Variants in ZNF407 observed in about 807,000 individuals in gnomAD.
The protein encoded by ZNF407 is zinc finger protein 407.
ZNF407 carries 17 observed loss-of-function variants against 131.2 expected under a neutral mutation model. The ratio of observed to expected loss-of-function variants is 0.13; its 90% CI spans 0.09 to 0.19. The LOEUF is 0.19. Among genes scored for constraint, ZNF407 ranks in the 10% least tolerant of loss-of-function variants. The probability of loss-of-function intolerance (pLI) is 1.00; values close to 1 mark genes in which losing one functional copy is unlikely to be tolerated. For missense variants in ZNF407, 2,681 were observed against 2,830.6 expected, an observed-to-expected ratio of 0.95 and a Z score of 1.20; for synonymous variants, 1,156 against 1,062.0, an observed-to-expected ratio of 1.09 and a Z score of -1.72.
chr18:74,631,412 C>A lies in ZNF407; in HGVS notation c.393C>A (p.Leu131=). The part of the protein sequence containing the change: ...TVGGTCLPNA[L]SPSCNFSTID... ...GAGGCACATGTCTCCCAAATGCCCT[C>A]TCCCCTTCTTGCAATTTTAGCACTA... Residue 131 remains leucine (L), a synonymous_variant, in exon 2 of 9, where the codon CTC becomes CTA. Transcript: ENST00000299687. 1.2e-6 allele frequency: 2 copies of A among 1,613,988 alleles called. No individual in the cohort carries two copies. Among genetic ancestry groups the A allele is most frequent in the Non-Finnish European group, 1.7e-6 (2 of 1,179,880 alleles).
At chr18:74,910,022 C>G (rs1230834645) in intron 7 of ZNF407, among the ~76,000 whole-genome samples, 2 of 152,130 alleles carry the variant, frequency 1.3e-5, no homozygotes, top group African/African-American at 4.8e-5. Flanking sequence ...TCATGACTTA[C>G]TCTTGGAGAA....
intron 3 of ZNF407, among the ~76,000 whole-genome samples, chr18:74,649,418 C>T (rs570291883): frequency 7.2e-5 from 11 of 152,266 alleles, no homozygotes; most frequent in African/African-American, 2.4e-4. Flanking sequence ...TGGTAATTAT[C>T]ATTATAATAT....
intron 8 of ZNF407, among the ~76,000 whole-genome samples, chr18:74,978,504 C>A (rs1002481755): frequency 4.6e-5 from 7 of 152,000 alleles, no homozygotes; most frequent in African/African-American, 1.5e-4. Context: ...TGATTGTGAA[C>A]ATTTTTAGAG....
intron 3 of ZNF407, among the ~76,000 whole-genome samples, chr18:74,651,728 G>A (rs559401500): frequency 6.6e-6 from 1 of 152,294 alleles, no homozygotes; most frequent in African/African-American, 2.4e-5. Flanking sequence ...TCAGAATTAT[G>A]AATTGTCTTG....
intron 4 of ZNF407, among the ~76,000 whole-genome samples, chr18:74,818,214 C>G (rs1449543225): frequency 6.6e-6 from 1 of 152,172 alleles, no homozygotes; most frequent in African/African-American, 2.4e-5. Flanking sequence ...GGAGTCATAA[C>G]TGGAGAAGCA....
At chr18:74,961,716 T>TA (rs11356218) in intron 8 of ZNF407, among the ~76,000 whole-genome samples, 5,295 of 140,492 alleles carry the variant, frequency 0.038, 321 homozygotes, top group African/African-American at 0.13. Flanking sequence ...CTGTCTCAAT[T>TA]AAAAAAAAAA....
intron 3 of ZNF407, among the ~76,000 whole-genome samples, chr18:74,692,537 T>C (rs1481190782): frequency 6.6e-6 from 1 of 152,032 alleles, no homozygotes; most frequent in Non-Finnish European, 1.5e-5. Flanking sequence ...CTGAGCCTCG[T>C]GGATGGGGCC....
intron 8 of ZNF407, among the ~76,000 whole-genome samples, chr18:74,947,088 C>T (rs577440830): frequency 1.2e-4 from 18 of 152,140 alleles, no homozygotes; most frequent in South Asian, 2.1e-4. Context: ...AACAGATGAC[C>T]GCCTCCTGTT....
At chr18:74,599,425 T>G (rs772648365) in intron 1 of ZNF407, among the ~76,000 whole-genome samples, 4 of 152,248 alleles carry the variant, frequency 2.6e-5, no homozygotes, top group Non-Finnish European at 4.4e-5. Flanking sequence ...TCAAAAACAC[T>G]GGTTCTTGCT....
At chr18:74,916,761 C>G (rs1290277120) in intron 7 of ZNF407, among the ~76,000 whole-genome samples, 1 of 120,150 alleles carries the variant, frequency 8.3e-6, no homozygotes, top group Non-Finnish European at 1.6e-5. Context: ...AGATTGTATG[C>G]AGCATTGGTT....
chr18:74,927,745 A>G (rs1364609736), intron 8 of ZNF407, among the ~76,000 whole-genome samples: 2 of 152,244 alleles, frequency 1.3e-5, no homozygotes, highest in African/African-American at 4.8e-5. Context: ...GTAGCAAAGT[A>G]GAAGGAAAAG....
At chr18:74,913,056 C>T (rs1201609828) in intron 7 of ZNF407, among the ~76,000 whole-genome samples, 1 of 152,164 alleles carries the variant, frequency 6.6e-6, no homozygotes, top group African/African-American at 2.4e-5. Context: ...AATTTGGTAG[C>T]CCCCTACCTT....
At chr18:75,014,541 T>G (rs923088710) in intron 8 of ZNF407, among the ~76,000 whole-genome samples, 1 of 152,138 alleles carries the variant, frequency 6.6e-6, no homozygotes, top group African/African-American at 2.4e-5. Flanking sequence ...AAATCAGGGC[T>G]TTTCCTGTCA....
chr18:74,676,644 C>T (rs533659331), intron 3 of ZNF407, among the ~76,000 whole-genome samples: 82 of 151,944 alleles, frequency 5.4e-4, no homozygotes, highest in Non-Finnish European at 7.8e-4. Context: ...CCGTGTTAGC[C>T]AGGATGGTCT....
At chr18:74,729,609 G>C (rs1219461011) in intron 3 of ZNF407, among the ~76,000 whole-genome samples, 1 of 152,092 alleles carries the variant, frequency 6.6e-6, no homozygotes, top group Non-Finnish European at 1.5e-5. Flanking sequence ...GCTGTGTTCT[G>C]TAGGGTAGAA....
In ZNF407 at chr18:75,012,964, A is replaced by AG. The variant is rs1424387126; in HGVS notation, c.5429-50186_5429-50185insG. On this transcript the variant is annotated intron_variant, in intron 8 of 8. Coordinates refer to ENST00000299687, the MANE Select transcript of ZNF407 (RefSeq NM_017757.3). ...GGGTCCTTTTTTAAAAAAAAAAAAAAAAGGGTTTGTAGGAGGCACATAACG... is the reference window on the plus strand; with the variant it reads ...GGGTCCTTTTTTAAAAAAAAAAAAAAGAAGGGTTTGTAGGAGGCACATAACG... Among the ~76,000 whole-genome samples the AG allele has an allele frequency of 2.6e-4, 39 of 151,586 alleles. 1 individual carries two copies. The highest frequency in any genetic ancestry group is 7.7e-4 in the African/African-American group (32 of 41,414).
At chr18:75,034,616 A>T (rs1178671565) in intron 8 of ZNF407, among the ~76,000 whole-genome samples, 3 of 149,514 alleles carry the variant, frequency 2.0e-5, no homozygotes, top group African/African-American at 4.9e-5. Flanking sequence ...TTTTTTTTTT[A>T]AATCAGGCTT....
rs370422289 is a variant in ZNF407, at chr18:74,623,557, C to T, written c.-53-7410C>T. 8.5e-5 allele frequency among the ~76,000 whole-genome samples: 13 copies of T among 152,336 alleles called. No individual in the cohort carries two copies. The East Asian group carries it at 2.3e-3, about 27-fold the overall frequency. The stretch of plus-strand genomic sequence containing the variant: ...TAGCGTGTGAAATGGTTTCATTTGA[C>T]TGAAATAATTGTTTCTCAAATTCTT... On this transcript the variant is annotated intron_variant, in intron 1 of 8. Coordinates refer to ENST00000299687, the MANE Select transcript of ZNF407 (RefSeq NM_017757.3).
intron 4 of ZNF407, among the ~76,000 whole-genome samples, chr18:74,818,683 AT>A (rs1970299640): frequency 6.6e-6 from 1 of 152,344 alleles, no homozygotes; most frequent in South Asian, 2.1e-4. Flanking sequence ...CAAATGCAAA[AT>A]ATAGCACAGA....
Sources: allele counts gnomAD v4.1 joint callset (sites outside exome capture counted in the v4.1 genomes callset), GRCh38; gene constraint gnomAD v4.1.1; transcripts MANE v1.5; gene names NCBI Gene and HGNC (gene_info 2026-07-23, HGNC 2026-07-21).